The following PRPF8 variants were observed in gnomAD, a reference collection of about 807,000 sequenced individuals.
PRPF8 encodes the protein pre-mRNA-processing-splicing factor 8.
In PRPF8, 64 loss-of-function variants were observed where a neutral mutation model predicts 285.9. The ratio of observed to expected loss-of-function variants is 0.22; its 90% CI spans 0.18 to 0.28. The LOEUF is 0.28. Ranked by LOEUF, PRPF8 falls within the 10% of genes least tolerant of loss-of-function variation. PRPF8 has a pLI of 1.00. For missense variants in PRPF8, 1,426 were observed against 3,026.7 expected (o/e 0.47, Z 12.41); for synonymous variants, 1,325 against 1,118.2 (o/e 1.18, Z -3.69).
Position 1,679,778 on chromosome 17 carries a change from C to G in PRPF8, c.1120G>C (p.Asp374His), listed in dbSNP as rs1336664460. The change falls in exon 9 of 43, where the codon GAT becomes CAT. Residue 374 changes from aspartate (D) to histidine (H), a missense_variant. Transcript: ENST00000304992. The surrounding 1 kb of genome is among the most constrained non-coding windows in gnomAD (Gnocchi z 4.7). ...TCCGGGAGCTCAAATTCCTCATCAT[C>G]ATCCGGCAATGGTTCCTGGCTCTGA... ...SVKSQEPLPD[D>H]DEEFELPEFV... 11 of 1,614,090 alleles carry G rather than the reference C, an allele frequency of 6.8e-6. No homozygotes were observed. Among genetic ancestry groups the G allele is most frequent in the Non-Finnish European group, 7.6e-6 (9 of 1,180,048 alleles).
chr17:1,660,943 A>G, intron 28 of PRPF8, 50 bp downstream of exon 28: 11 of 1,612,488 alleles, frequency 6.8e-6, no homozygotes, highest in Non-Finnish European at 9.3e-6. Context: ...CATACAAGAG[A>G]TGAGCTCAAA....
rs772116221 is a variant in PRPF8 at position 1,679,673 on chromosome 17, G to A, written c.1225C>T (p.Arg409Trp). The change falls in exon 9 of 43, where the codon CGG becomes TGG. Residue 409 changes from arginine (R) to tryptophan (W), a missense_variant. By Grantham distance (101) the Arg-to-Trp change is moderately radical (BLOSUM62 -3). This residue lies in a region of PRPF8 where 137 missense variants were observed against 161.2 expected (regional missense o/e 0.85). Transcript: ENST00000304992. The surrounding 1 kb of genome is among the most constrained non-coding windows in gnomAD (Gnocchi z 4.7). ...CGACCAGAGCGTAGGTTGAAGGGCCGCGGGGCCCAGAGCAGGGCAATGCCA... is the reference window on the plus strand; with the variant it reads ...CGACCAGAGCGTAGGTTGAAGGGCCACGGGGCCCAGAGCAGGGCAATGCCA... Reference protein sequence around the residue: ...ANGIALLWAPRPFNLRSGRTR... With the variant: ...ANGIALLWAPWPFNLRSGRTR... The A allele has an allele frequency of 1.2e-5, 19 of 1,614,018 alleles. No homozygotes were observed. The highest frequency in any genetic ancestry group is 1.4e-5 in the Non-Finnish European group (16 of 1,180,036).
Position 1,655,439 on chromosome 17 carries a change from G to A in PRPF8, c.5898C>T (p.His1966=), listed in dbSNP as rs761657389. 1.3e-4 allele frequency: 209 copies of A among 1,614,136 alleles called. 1 individual carries two copies. The Middle Eastern group carries it at 4.6e-3, about 36-fold the overall frequency. ...PDKTTITEPH[H]IWPTLTDEEW... is the part of the protein sequence containing the mutation. ...CTTCGTCAGTCAGAGTGGGCCAGAT[G>A]TGGTGTGGTTCTGTAATAGTAGTCT... The change falls in exon 37 of 43, where the codon CAC becomes CAT. Residue 1966 remains histidine, a synonymous_variant. Transcript: ENST00000304992.
intron 3 of PRPF8, chr17:1,683,274 C>T (rs1913038120): frequency 5.9e-6 from 3 of 508,646 alleles, no homozygotes; most frequent in African/African-American, 3.9e-5. Context: ...GGATTACAGG[C>T]ATGAGCCACC....
Position 1,675,786 on chromosome 17 carries a change from A to G in PRPF8, c.2706T>C (p.Tyr902=). The G allele has an allele frequency of 6.2e-7, 1 of 1,614,194 alleles. No individual in the cohort carries two copies. Residue 902 remains tyrosine (Y), a synonymous_variant, in exon 19 of 43, where the codon TAT becomes TAC. Transcript: ENST00000304992. The surrounding 1 kb of genome is among the most constrained non-coding windows in gnomAD (Gnocchi z 6.0). The part of the protein sequence containing the change: ...KEVGIEFMDL[Y]SHLVPVYDVE... ...CATCATATACTGGAACGAGGTGGCTATACAGATCCATGAACTCAATGCCCA... is the reference window on the plus strand; with the variant it reads ...CATCATATACTGGAACGAGGTGGCTGTACAGATCCATGAACTCAATGCCCA...
rs1912888157 is a variant in PRPF8 at position 1,680,976 on chromosome 17, A to G, written c.945T>C (p.Ala315=). 1.4e-5 allele frequency: 23 copies of G among 1,613,716 alleles called. No individual in the cohort carries two copies. The highest frequency in any genetic ancestry group is 1.9e-5 in the Non-Finnish European group (22 of 1,179,714). ...GAAGATTGTTGTACAAGTAAGGAAA[A>G]GCAATCTTGTACTCAGTGCGGATAG... ...RQPIRTEYKI[A]FPYLYNNLPH... The change falls in exon 7 of 43, where the codon GCT becomes GCC. Residue 315 remains alanine (A), a synonymous_variant. Coordinates refer to ENST00000304992, the MANE Select transcript of PRPF8 (RefSeq NM_006445.4).
intron 24 of PRPF8, among the ~76,000 whole-genome samples, chr17:1,668,367 T>C (rs923326870): frequency 2.8e-5 from 4 of 145,326 alleles, no homozygotes; most frequent in African/African-American, 7.5e-5. Flanking sequence ...TTTTTTTTTT[T>C]TTTTTTTTTT....
At position 1,673,526 on chromosome 17, in the gene PRPF8, C is replaced by A. The variant is rs747651752; in HGVS notation, c.3488G>T (p.Arg1163Leu). Reference sequence around the variant, plus strand: ...CTCCCACTGAACTGTAGTCACTGACCGTGGCAAGCGGTTCTTGATGTCCCA... The same window carrying A: ...CTCCCACTGAACTGTAGTCACTGACAGTGGCAAGCGGTTCTTGATGTCCCA... ...VFWDIKNRLPRSVTTVQWENS... is the reference protein window; with the variant it reads ...VFWDIKNRLPLSVTTVQWENS... Residue 1163 changes from arginine to leucine, a missense_variant, in exon 23 of 43, where the codon CGG (arginine) becomes CTG (leucine). Arg to Leu is a moderately radical substitution (Grantham distance 102, BLOSUM62 -2). This residue lies in a region of PRPF8 where 148 missense variants were observed against 196.2 expected (regional missense o/e 0.75). Coordinates refer to ENST00000304992, the MANE Select transcript of PRPF8 (RefSeq NM_006445.4). This position sits in a 1 kb window ranked among gnomAD's most constrained non-coding sequence, Gnocchi z 5.5. The A allele has an allele frequency of 1.2e-6, 2 of 1,614,184 alleles. No homozygotes were observed. Among genetic ancestry groups the A allele is most frequent in the Non-Finnish European group, 1.7e-6 (2 of 1,180,040 alleles).
At chr17:1,660,625 C>A (rs775254806) in intron 29 of PRPF8, 47 bp from the exon 30 acceptor site, 1 of 1,614,174 alleles carries the variant, frequency 6.2e-7, no homozygotes, top group East Asian at 2.2e-5. Flanking sequence ...GAGACTCGGG[C>A]GCTCACGACA....
chr17:1,650,987 C>T (rs1474899077), intron 42 of PRPF8, 31 bp from the exon 43 acceptor site: 9 of 1,614,058 alleles, frequency 5.6e-6, no homozygotes, highest in Non-Finnish European at 7.6e-6. Context: ...CCAATGTTAA[C>T]AGGGCTCCTG....
chr17:1,664,880 G>A (rs191530365), intron 24 of PRPF8, among the ~76,000 whole-genome samples: 10 of 152,098 alleles, frequency 6.6e-5, no homozygotes, highest in Non-Finnish European at 1.3e-4. Flanking sequence ...GAATGGGGCC[G>A]GGCACGATGG....
At chr17:1,652,075 C>T in intron 39 of PRPF8, 1 of 541,920 alleles carries the variant, frequency 1.8e-6, no homozygotes, top group Non-Finnish European at 3.3e-6. Context: ...CAAATGAGCA[C>T]ACATGCAGCT....
rs1472672989 is a variant in PRPF8, at chr17:1,684,494, C to T, written c.78G>A (p.Ser26=). Residue 26 remains serine (S), a synonymous_variant, in exon 2 of 43, where the codon TCG becomes TCA. Transcript: ENST00000304992. ...CACCTTTCTCCTGCAGCTTCTCCTC[C>T]GACATGTAGTCCGGTAGCGGGGCTA... ...GPLAPLPDYM[S]EEKLQEKARK... 13 of 1,612,592 alleles carry T rather than the reference C, an allele frequency of 8.1e-6. No individual in the cohort carries two copies. The highest frequency in any genetic ancestry group is 1.1e-5 in the Non-Finnish European group (13 of 1,179,774).
In PRPF8 at chr17:1,653,131, G is replaced by C. The variant is rs538829369; in HGVS notation, c.6369+411C>G. 6.2e-5 allele frequency: 20 copies of C among 324,652 alleles called. No individual in the cohort carries two copies. The East Asian group carries it at 1.6e-3, about 26-fold the overall frequency. 20.1% of individuals were successfully genotyped at this position (324,652 alleles called of 1,614,324 possible). A position where few individuals can be genotyped will look rare whatever the true frequency, so the allele number is the denominator to read the frequency against. On this transcript the variant is annotated intron_variant, in intron 39 of 42. Coordinates refer to ENST00000304992, the MANE Select transcript of PRPF8 (RefSeq NM_006445.4). The surrounding 1 kb of genome is among the most constrained non-coding windows in gnomAD (Gnocchi z 4.9). The stretch of plus-strand genomic sequence containing the variant: ...TTTTTTGTATTTTTAGTAGAGACAG[G>C]GTTTCACCATATTGGTCAGGCTGGT...
intron 24 of PRPF8, among the ~76,000 whole-genome samples, chr17:1,670,889 T>C (rs962610085): frequency 1.3e-5 from 2 of 151,670 alleles, no homozygotes; most frequent in South Asian, 2.1e-4. Context: ...GAGTGAATCA[T>C]CTAACACAGA....
At chr17:1,672,911 A>C (rs1567686551) in intron 24 of PRPF8, 170 bp downstream of exon 24, 18 of 693,472 alleles carry the variant, frequency 2.6e-5, no homozygotes, top group South Asian at 4.7e-5. Flanking sequence ...TCAGAAAATA[A>C]CGATGAAGTG....
In PRPF8 at chr17:1,681,497, C is replaced by T. The variant is rs908720888; in HGVS notation, c.847G>A (p.Val283Ile). 6.2e-7 allele frequency: 1 copy of T among 1,601,850 alleles called. No individual in the cohort carries two copies. Among genetic ancestry groups the T allele is most frequent in the Non-Finnish European group, 8.6e-7 (1 of 1,168,870 alleles). The part of the protein sequence containing the change: ...IPGGPKFEPL[V>I]RDINLQDEDW... ...ACTCACTGTAGGTTGATGTCTCGAA[C>T]AAGAGGTTCAAATTTGGGGCCTCCA... Residue 283 changes from valine to isoleucine, a missense_variant, in exon 6 of 43, where the codon GTT (valine) becomes ATT (isoleucine). Val to Ile is a conservative substitution (Grantham distance 29, BLOSUM62 3). This residue lies in a region of PRPF8 where 157 missense variants were observed against 159.6 expected (regional missense o/e 0.98). Transcript: ENST00000304992.
Position 1,681,831 on chromosome 17 carries a change from C to T in PRPF8, c.642G>A (p.Arg214=), listed in dbSNP as rs1912947257. ...LDWFYDHQPL[R]DSRKYVNGST... is the part of the protein sequence containing the mutation. The stretch of plus-strand genomic sequence containing the variant: ...CATCTATCACTCACTTCCTGCTGTC[C>T]CTCAACGGCTGGTGGTCATAGAACC... The change falls in exon 5 of 43, where the codon AGG becomes AGA. Residue 214 remains arginine, a synonymous_variant. Coordinates refer to ENST00000304992, the MANE Select transcript of PRPF8 (RefSeq NM_006445.4). 2 of 1,614,032 alleles carry T rather than the reference C, an allele frequency of 1.2e-6. No individual in the cohort carries two copies. The highest frequency in any genetic ancestry group is 1.7e-6 in the Non-Finnish European group (2 of 1,180,004).
chr17:1,678,325 A>C, intron 13 of PRPF8, 193 bp downstream of exon 13: 1 of 539,072 alleles, frequency 1.9e-6, no homozygotes, highest in Non-Finnish European at 3.2e-6. Context: ...AAAACAAAAC[A>C]AAAAAAAAAT....
Sources: allele counts gnomAD v4.1 joint callset (sites outside exome capture counted in the v4.1 genomes callset), GRCh38; gene constraint gnomAD v4.1.1; regional missense constraint gnomAD v4.1.1; non-coding constraint Gnocchi (gnomAD v3.1); transcripts MANE v1.5; gene names NCBI Gene and HGNC (gene_info 2026-07-23, HGNC 2026-07-21).